The following GALNT13 variants were observed in gnomAD, a reference collection of about 807,000 sequenced individuals.
GALNT13 encodes polypeptide N-acetylgalactosaminyltransferase 13.
A neutral mutation model predicts 64.2 loss-of-function variants in GALNT13; 28 were observed. The ratio of observed to expected loss-of-function variants is 0.44; its 90% CI spans 0.32 to 0.60. The LOEUF is 0.60. Ranked by LOEUF, GALNT13 falls within the 20% of genes least tolerant of loss-of-function variation. GALNT13 has a pLI of 0.05. For synonymous variants in GALNT13, 214 were observed against 224.6 expected (o/e 0.95, Z 0.42); for missense variants, 577 against 669.8 (o/e 0.86, Z 1.53).
chr2:153,139,699 A>C, the GALNT13 span, among the ~76,000 whole-genome samples: 1 of 152,044 alleles, frequency 6.6e-6, no homozygotes, highest in Admixed American at 6.6e-5. Flanking sequence ...AGGACAGGTC[A>C]TGCCACGTGT....
At chr2:153,508,201 A>T in the GALNT13 span, among the ~76,000 whole-genome samples, 1 of 152,342 alleles carries the variant, frequency 6.6e-6, no homozygotes, top group East Asian at 1.9e-4. Context: ...ATAGGGAGGA[A>T]GCAAACATGC....
At chr2:154,405,331 C>T (rs921619245) in intron 10 of GALNT13, among the ~76,000 whole-genome samples, 16 of 151,352 alleles carry the variant, frequency 1.1e-4, no homozygotes, top group African/African-American at 3.6e-4. Flanking sequence ...AAAGGAGCAA[C>T]TAAAAATATA....
the GALNT13 span, among the ~76,000 whole-genome samples, chr2:153,118,147 C>CACACACACACACA: frequency 0.041 from 5,736 of 140,170 alleles, 251 homozygotes; most frequent in African/African-American, 0.046. Flanking sequence ...ACACACACAC[C>CACACACACACACA]CCACATAAAC....
At chr2:153,933,680 G>A (rs758582086) in intron 2 of GALNT13, among the ~76,000 whole-genome samples, 32 of 152,112 alleles carry the variant, frequency 2.1e-4, no homozygotes, top group Admixed American at 6.5e-4. Context: ...GTTTTATAGC[G>A]TCAGTGGGCT....
chr2:153,165,688 T>C, the GALNT13 span, among the ~76,000 whole-genome samples: 1 of 152,192 alleles, frequency 6.6e-6, no homozygotes, highest in African/African-American at 2.4e-5. Flanking sequence ...GCATAGGTTG[T>C]ATTTATTAGC....
the GALNT13 span, among the ~76,000 whole-genome samples, chr2:153,424,982 A>G: frequency 6.6e-6 from 1 of 151,922 alleles, no homozygotes; most frequent in Non-Finnish European, 1.5e-5. Context: ...TCTCAAAAAC[A>G]TACAATGTTG....
chr2:154,029,392 A>T (rs1353102365), intron 3 of GALNT13, among the ~76,000 whole-genome samples: 1 of 151,998 alleles, frequency 6.6e-6, no homozygotes, highest in African/African-American at 2.4e-5. Context: ...GGAAGACCTA[A>T]AGTTGAGAGT....
chr2:154,414,977 C>G (rs1185165304), intron 11 of GALNT13, among the ~76,000 whole-genome samples: 1 of 151,636 alleles, frequency 6.6e-6, no homozygotes, highest in Non-Finnish European at 1.5e-5. Flanking sequence ...GTTATATCTA[C>G]TCAAACTGAT....
chr2:153,138,938 ATT>A, the GALNT13 span, among the ~76,000 whole-genome samples: 1 of 151,934 alleles, frequency 6.6e-6, no homozygotes, highest in Non-Finnish European at 1.5e-5. Context: ...TGCATATCCA[ATT>A]TACCACTTTT....
intron 3 of GALNT13, among the ~76,000 whole-genome samples, chr2:154,111,667 C>T (rs563069507): frequency 7.2e-5 from 11 of 152,266 alleles, no homozygotes; most frequent in Non-Finnish European, 1.5e-5. Flanking sequence ...GTCCCACTTC[C>T]ACTTCCACCC....
the GALNT13 span, among the ~76,000 whole-genome samples, chr2:153,574,513 A>T: frequency 6.6e-6 from 1 of 151,874 alleles, no homozygotes; most frequent in Non-Finnish European, 1.5e-5. Flanking sequence ...TATTTTCTAG[A>T]TTCTGTAGGC....
chr2:153,696,711 A>G, the GALNT13 span, among the ~76,000 whole-genome samples: 1 of 152,174 alleles, frequency 6.6e-6, no homozygotes, highest in East Asian at 1.9e-4. Context: ...TTGACCATGG[A>G]TAACTGAAAC....
At chr2:153,455,585 T>G in the GALNT13 span, among the ~76,000 whole-genome samples, 3 of 152,126 alleles carry the variant, frequency 2.0e-5, no homozygotes, top group African/African-American at 4.8e-5. Context: ...GATGCTGAAG[T>G]GCCGGCTGGA....
At chr2:154,033,004 T>G (rs28656272) in intron 3 of GALNT13, among the ~76,000 whole-genome samples, 18,208 of 151,490 alleles carry the variant, frequency 0.12, 1,869 homozygotes, top group African/African-American at 0.28. Flanking sequence ...AGATATTGGG[T>G]GCGAAAGATA....
At chr2:153,350,253 C>A in the GALNT13 span, among the ~76,000 whole-genome samples, 1 of 152,238 alleles carries the variant, frequency 6.6e-6, no homozygotes, top group East Asian at 1.9e-4. Flanking sequence ...GTGTTGGAAG[C>A]TTTCTTTCTT....
At chr2:153,439,483 G>C in the GALNT13 span, among the ~76,000 whole-genome samples, 1 of 152,162 alleles carries the variant, frequency 6.6e-6, no homozygotes, top group African/African-American at 2.4e-5. Context: ...CGAGCTTCCT[G>C]GCTGCTTTGT....
chr2:153,645,342 A>G, the GALNT13 span, among the ~76,000 whole-genome samples: 176 of 152,222 alleles, frequency 1.2e-3, no homozygotes, highest in African/African-American at 3.9e-3. Flanking sequence ...ATTTCATAGT[A>G]TTGTAGAAAT....
chr2:154,208,427 G>T (rs1397273408), intron 4 of GALNT13, among the ~76,000 whole-genome samples: 1 of 152,084 alleles, frequency 6.6e-6, no homozygotes, highest in East Asian at 1.9e-4. Flanking sequence ...ATGTAATGTA[G>T]TGTGTGAAAT....
chr2:153,923,998 C>A (rs1384841573), intron 2 of GALNT13, among the ~76,000 whole-genome samples: 1 of 152,010 alleles, frequency 6.6e-6, no homozygotes, highest in Non-Finnish European at 1.5e-5. Context: ...CCACAATAAA[C>A]ATACATGTGC....
Sources: gnomAD v4.1 joint callset for allele counts (sites outside exome capture counted in the v4.1 genomes callset) on GRCh38, gnomAD v4.1.1 for gene constraint, MANE v1.5 for transcripts, NCBI Gene and HGNC (gene_info 2026-07-23, HGNC 2026-07-21) for gene names.